Variants in TAF5L observed in about 807,000 individuals in gnomAD.
TAF5L encodes TAF5-like RNA polymerase II p300/CBP-associated factor-associated factor 65 kDa subunit 5L.
Under a neutral mutation model 51.3 loss-of-function variants are expected in TAF5L, and 7 were observed. That is an observed-to-expected ratio of 0.14 (90% CI 0.08 to 0.26). The LOEUF (loss-of-function observed/expected upper bound fraction) is 0.26, where lower values mean the gene tolerates loss of function less well. TAF5L is among the 10% of genes least tolerant of loss of function. The pLI is 1.00. For synonymous variants in TAF5L, 291 were observed against 308.1 expected, an observed-to-expected ratio of 0.94 and a Z score of 0.58; for missense variants, 575 against 758.9, an observed-to-expected ratio of 0.76 and a Z score of 2.85.
At chr1:229,624,813 T>TC (rs1307428849) in intron 1 of TAF5L, among the ~76,000 whole-genome samples, 1 of 152,024 alleles carries the variant, frequency 6.6e-6, no homozygotes, top group African/African-American at 2.4e-5. Flanking sequence ...CCTTTCCTAC[T>TC]CCCCCTTCCA....
intron 3 of TAF5L, among the ~76,000 whole-genome samples, chr1:229,604,276 A>T (rs190789883): frequency 1.3e-5 from 2 of 151,820 alleles, no homozygotes; most frequent in East Asian, 3.9e-4. Context: ...AGATATCTGC[A>T]TGTTATTTCT....
At chr1:229,613,596 T>A (rs891650712) in intron 2 of TAF5L, among the ~76,000 whole-genome samples, 1 of 152,284 alleles carries the variant, frequency 6.6e-6, no homozygotes, top group African/African-American at 2.4e-5. Context: ...TAGGCTGTAT[T>A]AGGAATTATA....
rs1001622468 is a variant in TAF5L at position 229,595,171 on chromosome 1, A to T, written c.973-77T>A. 8 of 1,457,154 alleles carry T rather than the reference A, an allele frequency of 5.5e-6. No individual in the cohort carries two copies. In the African/African-American group the frequency reaches 1.1e-4, roughly 21 times the overall value. The allele number at this position is 1,457,154 out of a possible 1,614,324, so 90.3% of individuals were successfully genotyped here. On this transcript the variant is annotated intron_variant, in intron 4 of 4. Coordinates refer to ENST00000258281, the Ensembl canonical transcript of TAF5L. ...GTGGTCTGACAAGGAAAACAAGTCC[A>T]GGAGAAAAAAAAGTAGAGAACTGAG...
At chr1:229,609,244 G>A (rs1290309694) in intron 3 of TAF5L, among the ~76,000 whole-genome samples, 1 of 152,140 alleles carries the variant, frequency 6.6e-6, no homozygotes, top group Non-Finnish European at 1.5e-5. Context: ...GATGGCTCTT[G>A]TCATGGTCAT....
At chr1:229,623,650 C>A (rs922554583) in intron 1 of TAF5L, among the ~76,000 whole-genome samples, 1 of 152,236 alleles carries the variant, frequency 6.6e-6, no homozygotes, top group Non-Finnish European at 1.5e-5. Flanking sequence ...CATACACTAC[C>A]ACTACGAATA....
intron 1 of TAF5L, among the ~76,000 whole-genome samples, chr1:229,621,407 T>C (rs1665197458): frequency 6.6e-6 from 1 of 152,158 alleles, no homozygotes; most frequent in African/African-American, 2.4e-5. Context: ...AACATACCCA[T>C]CCACCTTGAT....
At chr1:229,622,017 TC>T (rs1665218046) in intron 1 of TAF5L, among the ~76,000 whole-genome samples, 3 of 121,694 alleles carry the variant, frequency 2.5e-5, no homozygotes, top group Non-Finnish European at 5.2e-5. Context: ...TCATTCATCA[TC>T]ATCTATCTAT....
intron 4 of TAF5L, among the ~76,000 whole-genome samples, chr1:229,597,037 TAAGG>T (rs976200626): frequency 6.6e-6 from 1 of 152,220 alleles, no homozygotes; most frequent in African/African-American, 2.4e-5. Context: ...TTTGGGAGCT[TAAGG>T]GTCTACTGAG....
At chr1:229,619,293 C>A (rs1424492971) in intron 1 of TAF5L, among the ~76,000 whole-genome samples, 1 of 152,166 alleles carries the variant, frequency 6.6e-6, no homozygotes, top group African/African-American at 2.4e-5. Flanking sequence ...TTCAGTCATA[C>A]CTCATATAAT....
chr1:229,599,789 A>G (rs1571831715), intron 4 of TAF5L: 2 of 979,234 alleles, frequency 2.0e-6, no homozygotes. Context: ...TCTCTTGGAT[A>G]TATGTCTAGA....
intron 3 of TAF5L, among the ~76,000 whole-genome samples, chr1:229,603,995 T>C (rs12093054): frequency 6.6e-6 from 1 of 152,212 alleles, no homozygotes; most frequent in Non-Finnish European, 1.5e-5. Flanking sequence ...TTACATTCAC[T>C]CAGTGTTATT....
intron 1 of TAF5L, among the ~76,000 whole-genome samples, chr1:229,623,269 C>T (rs1333235171): frequency 6.6e-6 from 1 of 152,202 alleles, no homozygotes; most frequent in African/African-American, 2.4e-5. Flanking sequence ...AGTGGAACTC[C>T]GTCTCCAAAA....
At chr1:229,623,702 TTAAAA>T (rs1365510588) in intron 1 of TAF5L, among the ~76,000 whole-genome samples, 7 of 152,302 alleles carry the variant, frequency 4.6e-5, no homozygotes, top group African/African-American at 1.7e-4. Flanking sequence ...CTTAAAGCAT[TTAAAA>T]TTAAGTGCTT....
intron 1 of TAF5L, among the ~76,000 whole-genome samples, chr1:229,617,021 C>G (rs1665028162): frequency 6.6e-6 from 1 of 152,066 alleles, no homozygotes; most frequent in Non-Finnish European, 1.5e-5. Context: ...TGAAATTTAC[C>G]TTGCTTGGGT....
intron 2 of TAF5L, among the ~76,000 whole-genome samples, chr1:229,613,168 C>CAA (rs10649912): frequency 0.29 from 38,830 of 135,520 alleles, 5,465 homozygotes; most frequent in South Asian, 0.41. Flanking sequence ...GAATAACAAG[C>CAA]AAAAAAAAAA....
intron 4 of TAF5L, chr1:229,601,168 T>C: frequency 1.0e-6 from 1 of 985,232 alleles, no homozygotes; most frequent in Non-Finnish European, 1.2e-6. Context: ...GAATCAAAAA[T>C]TCAAAGGCCA....
rs1558142526 is a variant in TAF5L at position 229,594,995 on chromosome 1, G to T, written c.1072C>A (p.Leu358Ile). 6.2e-7 allele frequency: 1 copy of T among 1,614,202 alleles called. No homozygotes were observed. The highest frequency in any genetic ancestry group is 1.6e-4 in the Middle Eastern group (1 of 6,062). The change falls in exon 5 of 5, where the codon CTC (leucine) becomes ATC (isoleucine). Residue 358 changes from leucine to isoleucine, a missense_variant. By Grantham distance (5) the Leu-to-Ile change is conservative. Coordinates refer to ENST00000258281, the Ensembl canonical transcript of TAF5L. The surrounding 1 kb of genome is among the most constrained non-coding windows in gnomAD (Gnocchi z 7.9). ...ATGGACATGTCTTCAGAACAAGAGA[G>T]CAACCCTGAGCTGTCCGCGAGGAAC...
At chr1:229,623,828 G>A (rs1665316607) in intron 1 of TAF5L, among the ~76,000 whole-genome samples, 1 of 152,196 alleles carries the variant, frequency 6.6e-6, no homozygotes, top group Non-Finnish European at 1.5e-5. Context: ...TGGGAACTCA[G>A]GACACCTGGC....
In TAF5L at chr1:229,602,832, G is replaced by A. The variant is rs759862410; in HGVS notation, c.335C>T (p.Pro112Leu). 2.9e-5 allele frequency: 46 copies of A among 1,612,304 alleles called. 1 individual carries two copies. Among genetic ancestry groups the A allele is most frequent in the East Asian group, 6.7e-5 (3 of 44,894 alleles). The change falls in exon 4 of 5, where the codon CCG becomes CTG. Residue 112 changes from proline to leucine, a missense_variant. By Grantham distance (98) the Pro-to-Leu change is moderately conservative. Coordinates refer to ENST00000258281, the Ensembl canonical transcript of TAF5L. The surrounding 1 kb of genome is among the most constrained non-coding windows in gnomAD (Gnocchi z 4.6). ...GTAAAAACTTTCCACTGTGCTCTTC[G>A]GACTGTTTTGGACCAGGTTGAGATG...
Sources: allele counts gnomAD v4.1 joint callset (sites outside exome capture counted in the v4.1 genomes callset), GRCh38; gene constraint gnomAD v4.1.1; non-coding constraint Gnocchi (gnomAD v3.1); transcripts MANE v1.5; gene names NCBI Gene and HGNC (gene_info 2026-07-23, HGNC 2026-07-21).